The following MID1 variants were observed in gnomAD, a reference collection of about 807,000 sequenced individuals.
The protein encoded by MID1 is midline 1, also known as E3 ubiquitin-protein ligase Midline-1.
MID1 carries 7 observed loss-of-function variants against 40.4 expected under a neutral mutation model. The ratio of observed to expected loss-of-function variants is 0.17; its 90% CI spans 0.10 to 0.33. The LOEUF is 0.33. Among genes scored for constraint, MID1 ranks in the 10% least tolerant of loss-of-function variants. The pLI is 1.00. For synonymous variants in MID1, 229 were observed against 221.2 expected (o/e 1.04, Z -0.31); for missense variants, 367 against 558.5 (o/e 0.66, Z 3.46).
chrX:10,824,313 G>A (rs1396816663), intron 1 of MID1, among the ~76,000 whole-genome samples: 1 of 112,078 alleles, frequency 8.9e-6, no homozygotes, highest in Non-Finnish European at 1.9e-5. Flanking sequence ...TTCATTGATT[G>A]TAATGTTTGA....
chrX:10,667,709 T>A (rs2042959482), intron 1 of MID1, among the ~76,000 whole-genome samples: 1 of 111,092 alleles, frequency 9.0e-6, no homozygotes. Flanking sequence ...GCTGCTTGAG[T>A]AATTTCCCCA....
intron 2 of MID1, among the ~76,000 whole-genome samples, chrX:10,547,299 A>C (rs1176695136): frequency 9.0e-6 from 1 of 111,354 alleles, no homozygotes; most frequent in African/African-American, 3.3e-5. Flanking sequence ...GAGGCCGGGC[A>C]CAGTGGCTTA....
At chrX:10,746,819 G>T (rs2043561206) in intron 1 of MID1, among the ~76,000 whole-genome samples, 2 of 107,409 alleles carry the variant, frequency 1.9e-5, no homozygotes, top group South Asian at 7.8e-4. Flanking sequence ...TATATATTAC[G>T]ATTATAATAT....
rs780688923 is a variant in MID1 at position 10,613,328 on chromosome X, TG to T, written c.-57+6961del. Among the ~76,000 whole-genome samples, 4 of 111,182 alleles carry T rather than the reference TG, an allele frequency of 3.6e-5. No individual in the cohort carries two copies. The South Asian group carries it at 1.5e-3, about 42-fold the overall frequency. Reference sequence around the variant, plus strand: ...TCATTTTTAACTATAACTTCTGGTCTGTTACACCTACCAGCAATGAAAATGC... The same window carrying T: ...TCATTTTTAACTATAACTTCTGGTCTTTACACCTACCAGCAATGAAAATGC... On this transcript the variant is annotated intron_variant, in intron 1 of 9. Coordinates refer to ENST00000317552, the MANE Select transcript of MID1 (RefSeq NM_000381.4).
chrX:10,601,811 G>A (rs1451118541), intron 1 of MID1, among the ~76,000 whole-genome samples: 1 of 111,175 alleles, frequency 9.0e-6, no homozygotes, highest in East Asian at 2.8e-4. Flanking sequence ...TAATAGCCAA[G>A]CCTACCCCTG....
At chrX:10,553,815 C>T (rs957162294) in intron 2 of MID1, among the ~76,000 whole-genome samples, 4 of 111,935 alleles carry the variant, frequency 3.6e-5, no homozygotes, top group Non-Finnish European at 5.6e-5. Flanking sequence ...ATCATAGTCA[C>T]CACTTCAAAG....
intron 1 of MID1, among the ~76,000 whole-genome samples, chrX:10,581,898 T>C (rs1167682534): frequency 1.8e-5 from 2 of 111,664 alleles, no homozygotes; most frequent in African/African-American, 6.5e-5. Context: ...TATGCACTCT[T>C]TGTCAGAATT....
chrX:10,480,844 G>A (rs1930279938), intron 5 of MID1, among the ~76,000 whole-genome samples: 1 of 111,985 alleles, frequency 8.9e-6, no homozygotes, highest in African/African-American at 3.2e-5. Context: ...CAGTAGACCA[G>A]AGTTGTAAAA....
chrX:10,459,535 G>C, intron 8 of MID1, 111 bp downstream of exon 8: 3 of 851,025 alleles, frequency 3.5e-6, no homozygotes, highest in South Asian at 2.1e-5. Context: ...ACTTGTTTTG[G>C]GGGGCTGTCA....
At chrX:10,812,282 A>T (rs1311240403) in intron 1 of MID1, among the ~76,000 whole-genome samples, 2 of 111,542 alleles carry the variant, frequency 1.8e-5, no homozygotes, top group Non-Finnish European at 3.8e-5. Context: ...GGTCACACAG[A>T]AAAAATATGT....
intron 5 of MID1, among the ~76,000 whole-genome samples, chrX:10,480,232 G>A (rs1444500417): frequency 8.9e-6 from 1 of 112,414 alleles, no homozygotes; most frequent in Non-Finnish European, 1.9e-5. Context: ...TCCTGCTCTT[G>A]ATGAGTTGGG....
intron 1 of MID1, among the ~76,000 whole-genome samples, chrX:10,774,925 A>G (rs889205402): frequency 9.0e-6 from 1 of 111,561 alleles, no homozygotes; most frequent in Non-Finnish European, 1.9e-5. Flanking sequence ...TTTCTTTGAT[A>G]AAGTGATTCT....
intron 1 of MID1, among the ~76,000 whole-genome samples, chrX:10,828,916 C>T (rs1370171459): frequency 1.8e-5 from 2 of 112,102 alleles, no homozygotes. Context: ...TCATAACCGT[C>T]CAATGAAGTG....
intron 1 of MID1, among the ~76,000 whole-genome samples, chrX:10,571,933 A>C (rs939235735): frequency 1.8e-5 from 2 of 109,264 alleles, no homozygotes; most frequent in African/African-American, 6.7e-5. Context: ...AAAAAGATGC[A>C]TGCCAAAGAC....
chrX:10,529,550 T>G (rs185420970), intron 2 of MID1, among the ~76,000 whole-genome samples: 1 of 112,134 alleles, frequency 8.9e-6, no homozygotes, highest in Admixed American at 9.5e-5. Flanking sequence ...CATCTGTTAG[T>G]TTGAATGGGC....
chrX:10,685,798 C>A (rs2043091328), intron 1 of MID1, among the ~76,000 whole-genome samples: 1 of 109,101 alleles, frequency 9.2e-6, no homozygotes, highest in Non-Finnish European at 1.9e-5. Context: ...GCCTTTTCTC[C>A]AATTAATCTG....
chrX:10,777,728 A>T (rs949072235), intron 1 of MID1, among the ~76,000 whole-genome samples: 42 of 110,189 alleles, frequency 3.8e-4, no homozygotes, highest in African/African-American at 1.4e-3. Flanking sequence ...TTTAGTAGAG[A>T]CGGGGTTTCA....
chrX:10,480,529 G>A (rs929861686), intron 5 of MID1, among the ~76,000 whole-genome samples: 4 of 112,333 alleles, frequency 3.6e-5, no homozygotes, highest in Admixed American at 1.9e-4. Context: ...GTTGGAAACC[G>A]TGACCTAAGT....
chrX:10,469,368 T>C (rs1373255967), intron 7 of MID1: 14 of 972,601 alleles, frequency 1.4e-5, no homozygotes, highest in Admixed American at 4.5e-5. Flanking sequence ...TATGAACCTA[T>C]ATGTGGATTA....
Sources: allele counts gnomAD v4.1 joint callset (sites outside exome capture counted in the v4.1 genomes callset), GRCh38; gene constraint gnomAD v4.1.1; transcripts MANE v1.5; gene names NCBI Gene and HGNC (gene_info 2026-07-23, HGNC 2026-07-21).